Variants in MACC1 observed in about 807,000 individuals in gnomAD.
The protein encoded by MACC1 is metastasis-associated in colon cancer protein 1.
Under a neutral mutation model 70.7 loss-of-function variants are expected in MACC1, and 79 were observed. That is an observed-to-expected ratio of 1.12 (90% CI 0.93 to 1.35). The LOEUF (loss-of-function observed/expected upper bound fraction) is 1.35. Among genes scored for constraint, MACC1 ranks in the 40% most tolerant of loss-of-function variants. The pLI is 0.00. For synonymous variants in MACC1, 361 were observed against 347.2 expected (o/e 1.04, Z -0.44); for missense variants, 1,106 against 978.1 (o/e 1.13, Z -1.74).
chr7:20,160,335 T>C (rs1782124063), intron 4 of MACC1, 90 bp from the exon 5 acceptor site: 10 of 1,421,924 alleles, frequency 7.0e-6, no homozygotes, highest in Non-Finnish European at 9.3e-6. Context: ...GCTTAAAAAT[T>C]CAGGACTTAC....
chr7:20,203,137 A>C (rs529869468), intron 1 of MACC1, among the ~76,000 whole-genome samples: 1 of 152,276 alleles, frequency 6.6e-6, no homozygotes, highest in Admixed American at 6.5e-5. Flanking sequence ...GATTAAAATT[A>C]AAAAAAGTCC....
intron 2 of MACC1, among the ~76,000 whole-genome samples, chr7:20,168,292 G>C (rs1219383341): frequency 6.6e-6 from 1 of 151,978 alleles, no homozygotes; most frequent in Non-Finnish European, 1.5e-5. Flanking sequence ...AACAAAATAA[G>C]TGAATAAATA....
At position 20,140,834 on chromosome 7, in the gene MACC1, CACACAG is replaced by C; in HGVS notation, c.*106_*111del. ...ACACACACACACACACAGACACACA[CACACAG>C]ACACACACACACAGACACACAGAGA... On this transcript the variant is annotated 3_prime_UTR_variant, in exon 7 of 7. Transcript: ENST00000400331. 1.4e-6 allele frequency: 1 copy of C among 719,404 alleles called. No individual in the cohort carries two copies. 44.6% of individuals were successfully genotyped at this position (719,404 alleles called of 1,614,324 possible). A position where few individuals can be genotyped will look rare whatever the true frequency, so the allele number is the denominator to read the frequency against.
At chr7:20,201,214 G>A (rs538841087) in intron 1 of MACC1, among the ~76,000 whole-genome samples, 5 of 152,218 alleles carry the variant, frequency 3.3e-5, no homozygotes, top group African/African-American at 1.2e-4. Context: ...CAATACAAGA[G>A]GCCAAGAGGG....
intron 1 of MACC1, among the ~76,000 whole-genome samples, chr7:20,190,083 C>T (rs971353721): frequency 3.3e-5 from 5 of 152,166 alleles, no homozygotes; most frequent in Non-Finnish European, 7.3e-5. Flanking sequence ...AAAGGCTTCA[C>T]CTCCTAATTC....
chr7:20,178,144 A>T (rs1047755074), intron 1 of MACC1, among the ~76,000 whole-genome samples: 6 of 152,132 alleles, frequency 3.9e-5, no homozygotes, highest in Non-Finnish European at 8.8e-5. Context: ...ATTCATAAGA[A>T]TGTATAAATT....
intron 6 of MACC1, among the ~76,000 whole-genome samples, chr7:20,143,976 C>T (rs1037322566): frequency 6.6e-6 from 1 of 152,164 alleles, no homozygotes; most frequent in Non-Finnish European, 1.5e-5. Flanking sequence ...AAAATATGAG[C>T]ATACTCTGTA....
chr7:20,154,403 A>T, intron 5 of MACC1, 22 bp from the exon 6 acceptor site: 2 of 1,604,558 alleles, frequency 1.2e-6, no homozygotes, highest in South Asian at 2.2e-5. Flanking sequence ...ATTACATGTC[A>T]CAATTAAAAG....
intron 1 of MACC1, among the ~76,000 whole-genome samples, chr7:20,178,990 A>AT (rs148573653): frequency 1.5e-4 from 22 of 151,652 alleles, no homozygotes; most frequent in Non-Finnish European, 2.6e-4. Flanking sequence ...CTTTCTCTGG[A>AT]TTTTTTTTCT....
chr7:20,199,730 C>T (rs1264633392), intron 1 of MACC1, among the ~76,000 whole-genome samples: 2 of 152,168 alleles, frequency 1.3e-5, no homozygotes, highest in Admixed American at 6.5e-5. Context: ...TCAAAGAGTA[C>T]AGAGTCATTC....
intron 1 of MACC1, among the ~76,000 whole-genome samples, chr7:20,190,828 G>A (rs1448481719): frequency 1.3e-5 from 2 of 152,206 alleles, no homozygotes; most frequent in Non-Finnish European, 2.9e-5. Context: ...ACTTGACATT[G>A]AAAAGGAACA....
chr7:20,166,674 C>A (rs1782224998), intron 2 of MACC1, among the ~76,000 whole-genome samples: 1 of 152,228 alleles, frequency 6.6e-6, no homozygotes, highest in Admixed American at 6.5e-5. Context: ...GGGAGCAGGC[C>A]TCCCAGTGCA....
Position 20,174,238 on chromosome 7 carries a change from A to C in MACC1, c.-217-3460T>G, listed in dbSNP as rs151013256. The stretch of plus-strand genomic sequence containing the variant: ...GAGACAGAATTTGTCAGTGAATAAG[A>C]TGACAGCTCATCTGTAAGAATCGTG... On this transcript the variant is annotated intron_variant, in intron 1 of 6. Coordinates refer to ENST00000400331, the MANE Select transcript of MACC1 (RefSeq NM_182762.4). Among the ~76,000 whole-genome samples the C allele has an allele frequency of 3.2e-4, 48 of 152,346 alleles. 3 individuals are homozygous for C. The highest frequency in any genetic ancestry group is 1.1e-3 in the African/African-American group (44 of 41,580).
chr7:20,154,369 T>C lies in MACC1; in HGVS notation c.2170A>G (p.Met724Val). 1 of 1,613,034 alleles carries C rather than the reference T, an allele frequency of 6.2e-7. No homozygotes were observed. Among genetic ancestry groups the C allele is most frequent in the Non-Finnish European group, 8.5e-7 (1 of 1,179,308 alleles). Residue 724 changes from methionine (M) to valine (V), a missense_variant, in exon 6 of 7, where the codon ATG becomes GTG. Transcript: ENST00000400331. Reference sequence around the variant, plus strand: ...CGTGCGACTAACTCTTGGCAATCCATTTTCAGAAGAGCCTGCAGCAACAAT... The same window carrying C: ...CGTGCGACTAACTCTTGGCAATCCACTTTCAGAAGAGCCTGCAGCAACAAT... ...LYELIVALLK[M>V]DCQELVARLI... is the part of the protein sequence containing the mutation.
chr7:20,168,138 T>G (rs1420753045), intron 2 of MACC1, among the ~76,000 whole-genome samples: 1 of 152,162 alleles, frequency 6.6e-6, no homozygotes. Context: ...TTTACACGTG[T>G]GTGTGCATGA....
intron 1 of MACC1, among the ~76,000 whole-genome samples, chr7:20,214,591 A>G (rs1381655296): frequency 1.3e-5 from 2 of 152,210 alleles, no homozygotes; most frequent in Non-Finnish European, 2.9e-5. Flanking sequence ...CAATAACTAT[A>G]TATAAATGTT....
intron 1 of MACC1, among the ~76,000 whole-genome samples, chr7:20,186,187 T>C (rs1782587029): frequency 6.6e-6 from 1 of 152,208 alleles, no homozygotes. Context: ...TCCTGTTACC[T>C]TTCCATAACC....
rs369156869 is a variant in MACC1 at position 20,158,338 on chromosome 7, G to A, written c.2023C>T (p.His675Tyr). The A allele has an allele frequency of 6.2e-6, 10 of 1,613,916 alleles. No individual in the cohort carries two copies. Among genetic ancestry groups the A allele is most frequent in the Non-Finnish European group, 8.5e-6 (10 of 1,179,998 alleles). ...KVLADVLGYS[H>Y]LSLEDFDQIQ... Reference sequence around the variant, plus strand: ...TGATCAAAATCTTCCAGGGACAGATGTGAGTAACCCAGGACATCAGCTAAA... The same window carrying A: ...TGATCAAAATCTTCCAGGGACAGATATGAGTAACCCAGGACATCAGCTAAA... The change falls in exon 5 of 7, where the codon CAT becomes TAT. Residue 675 changes from histidine (H) to tyrosine (Y), a missense_variant. Coordinates refer to ENST00000400331, the MANE Select transcript of MACC1 (RefSeq NM_182762.4).
In MACC1 at chr7:20,158,401, A is replaced by G; in HGVS notation, c.1960T>C (p.Leu654=). 6.2e-7 allele frequency: 1 copy of G among 1,613,900 alleles called. No individual in the cohort carries two copies. The highest frequency in any genetic ancestry group is 8.5e-7 in the Non-Finnish European group (1 of 1,179,960). ...TAAACTTTTTCTGACACCAAGGTTA[A>G]TACAACTGAGTAGATATAAGTCAAT... The part of the protein sequence containing the change: ...KKLTYIYSVV[L]TLVSEKVYDW... Residue 654 remains leucine (L), a synonymous_variant, in exon 5 of 7, where the codon TTA becomes CTA. Coordinates refer to ENST00000400331, the MANE Select transcript of MACC1 (RefSeq NM_182762.4).
Sources: gnomAD v4.1 joint callset for allele counts (sites outside exome capture counted in the v4.1 genomes callset) on GRCh38, gnomAD v4.1.1 for gene constraint, MANE v1.5 for transcripts, NCBI Gene and HGNC (gene_info 2026-07-23, HGNC 2026-07-21) for gene names.